The following NALF1 variants were observed in gnomAD, a reference collection of about 807,000 sequenced individuals.
NALF1 encodes the protein NALCN channel auxiliary factor 1.
In NALF1, 3 loss-of-function variants were observed where a neutral mutation model predicts 48.4. The ratio of observed to expected loss-of-function variants is 0.06; its 90% confidence interval spans 0.03 to 0.16. NALF1 has a LOEUF of 0.16. Among genes scored for constraint, NALF1 ranks in the 10% least tolerant of loss-of-function variants. NALF1 has a pLI of 1.00. For missense variants in NALF1, 526 were observed against 571.5 expected, an observed-to-expected ratio of 0.92 and a Z score of 0.81; for synonymous variants, 262 against 245.7, an observed-to-expected ratio of 1.07 and a Z score of -0.62.
chr13:107,708,837 G>A (rs1875481358), intron 1 of NALF1, among the ~76,000 whole-genome samples: 1 of 152,072 alleles, frequency 6.6e-6, no homozygotes, highest in Non-Finnish European at 1.5e-5. Context: ...CATCACCTAG[G>A]TATTAAGCTC....
intron 1 of NALF1, among the ~76,000 whole-genome samples, chr13:107,471,902 T>C (rs1220992888): frequency 6.6e-6 from 1 of 152,206 alleles, no homozygotes; most frequent in Admixed American, 6.5e-5. Context: ...GAGGAATATG[T>C]TTTTGTCTCT....
chr13:107,187,418 C>A (rs10508183), intron 2 of NALF1, among the ~76,000 whole-genome samples: 11,615 of 147,588 alleles, frequency 0.079, 574 homozygotes, highest in East Asian at 0.26. Flanking sequence ...CTCTCATCAC[C>A]TTTAATTGTC....
At chr13:107,772,205 G>A (rs746341545) in intron 1 of NALF1, among the ~76,000 whole-genome samples, 12 of 151,962 alleles carry the variant, frequency 7.9e-5, no homozygotes, top group Non-Finnish European at 1.0e-4. Context: ...CTCTGTCTAC[G>A]GAGTAGCTAC....
intron 1 of NALF1, among the ~76,000 whole-genome samples, chr13:107,763,939 A>G (rs1566472972): frequency 6.6e-6 from 1 of 152,130 alleles, no homozygotes. Context: ...TTTGCATTAT[A>G]TATCTAAATT....
At chr13:107,750,811 T>G (rs2138552426) in intron 1 of NALF1, among the ~76,000 whole-genome samples, 1 of 152,286 alleles carries the variant, frequency 6.6e-6, no homozygotes, top group Non-Finnish European at 1.5e-5. Flanking sequence ...GACGTTAAAG[T>G]TGAAATAACT....
intron 1 of NALF1, among the ~76,000 whole-genome samples, chr13:107,430,630 C>T (rs568371130): frequency 6.6e-6 from 1 of 152,278 alleles, no homozygotes; most frequent in South Asian, 2.1e-4. Flanking sequence ...GACATGAACT[C>T]ATCATTTTTT....
chr13:107,735,354 A>G (rs1339567429), intron 1 of NALF1, among the ~76,000 whole-genome samples: 1 of 152,204 alleles, frequency 6.6e-6, no homozygotes, highest in Non-Finnish European at 1.5e-5. Flanking sequence ...ACATGGTTGG[A>G]TGAGTAAAAT....
chr13:107,538,091 T>C (rs894806824), intron 1 of NALF1, among the ~76,000 whole-genome samples: 16 of 152,120 alleles, frequency 1.1e-4, no homozygotes, highest in Admixed American at 8.5e-4. Flanking sequence ...TTAATTAATG[T>C]AGTGAAATTG....
intron 2 of NALF1, among the ~76,000 whole-genome samples, chr13:107,192,890 A>G (rs1190914594): frequency 6.6e-6 from 1 of 152,200 alleles, no homozygotes; most frequent in African/African-American, 2.4e-5. Context: ...TTCCACTCCA[A>G]TTCAAGTTTG....
chr13:107,642,153 C>G (rs1880176389), intron 1 of NALF1, among the ~76,000 whole-genome samples: 1 of 152,086 alleles, frequency 6.6e-6, no homozygotes, highest in African/African-American at 2.4e-5. Context: ...TTTTTATGCA[C>G]AGTAAAAGCT....
intron 1 of NALF1, among the ~76,000 whole-genome samples, chr13:107,495,969 T>C (rs1875320909): frequency 6.6e-6 from 1 of 152,174 alleles, no homozygotes; most frequent in Non-Finnish European, 1.5e-5. Flanking sequence ...TTGTTCAATG[T>C]TATGTGTAGG....
At chr13:107,174,995 T>C (rs988801894) in intron 2 of NALF1, among the ~76,000 whole-genome samples, 3 of 147,174 alleles carry the variant, frequency 2.0e-5, no homozygotes, top group Non-Finnish European at 4.5e-5. Context: ...GCCATTCTCC[T>C]GCCTCAGCCT....
chr13:107,281,535 A>C (rs1232102264), intron 1 of NALF1, among the ~76,000 whole-genome samples: 2 of 152,210 alleles, frequency 1.3e-5, no homozygotes, highest in Admixed American at 6.5e-5. Flanking sequence ...GGGGCACAGA[A>C]AGGGCTGCAA....
At chr13:107,474,322 A>ATCTTGTG (rs757835923) in intron 1 of NALF1, among the ~76,000 whole-genome samples, 5 of 152,168 alleles carry the variant, frequency 3.3e-5, no homozygotes, top group Non-Finnish European at 7.3e-5. Flanking sequence ...ATAGAACTAT[A>ATCTTGTG]TTTCATACTA....
At chr13:107,631,116 G>A (rs1879822647) in intron 1 of NALF1, among the ~76,000 whole-genome samples, 1 of 152,056 alleles carries the variant, frequency 6.6e-6, no homozygotes, top group Non-Finnish European at 1.5e-5. Flanking sequence ...TCCCACCTCA[G>A]CCTCCCAGTA....
At chr13:107,643,290 CTG>C (rs1241056267) in intron 1 of NALF1, among the ~76,000 whole-genome samples, 1 of 152,026 alleles carries the variant, frequency 6.6e-6, no homozygotes, top group Non-Finnish European at 1.5e-5. Flanking sequence ...AGGTGGCTAA[CTG>C]AATGAAATTA....
In NALF1 at chr13:107,481,869, T is replaced by A. The variant is rs139673402; in HGVS notation, c.916-271114A>T. On this transcript the variant is annotated intron_variant, in intron 1 of 2. Coordinates refer to ENST00000375915, the MANE Select transcript of NALF1 (RefSeq NM_001080396.3). ...TAAGTGTTTTTACCCGATCAAGGCA[T>A]AGAAATATCATAAGCTTTAGTAGAA... Among the ~76,000 whole-genome samples the A allele has an allele frequency of 9.8e-4, 149 of 152,302 alleles. 1 individual carries two copies. Among genetic ancestry groups the A allele is most frequent in the African/African-American group, 3.5e-3 (145 of 41,588 alleles).
At chr13:107,281,051 A>C (rs1881376525) in intron 1 of NALF1, among the ~76,000 whole-genome samples, 1 of 152,222 alleles carries the variant, frequency 6.6e-6, no homozygotes, top group African/African-American at 2.4e-5. Flanking sequence ...AAAGATCTGT[A>C]TCTATTCAGG....
At chr13:107,451,935 C>G (rs1328034609) in intron 1 of NALF1, among the ~76,000 whole-genome samples, 1 of 152,186 alleles carries the variant, frequency 6.6e-6, no homozygotes, top group Non-Finnish European at 1.5e-5. Flanking sequence ...CAAAGTAATT[C>G]ACCCCATCTG....
Sources: gnomAD v4.1 joint callset for allele counts (sites outside exome capture counted in the v4.1 genomes callset) on GRCh38, gnomAD v4.1.1 for gene constraint, MANE v1.5 for transcripts, NCBI Gene and HGNC (gene_info 2026-07-23, HGNC 2026-07-21) for gene names.